Variants in LARP4B observed in about 807,000 individuals in gnomAD.
LARP4B encodes the protein La ribonucleoprotein 4B, also known as la-related protein 4B.
In LARP4B, 12 loss-of-function variants were observed where a neutral mutation model predicts 89.8. That is an observed-to-expected ratio of 0.13 (90% CI 0.09 to 0.22). The LOEUF is 0.22. Ranked by LOEUF, LARP4B falls within the 10% of genes least tolerant of loss-of-function variation. The pLI is 1.00. For missense variants in LARP4B, 757 were observed against 947.7 expected (o/e 0.80, Z 2.64); for synonymous variants, 367 against 363.3 (o/e 1.01, Z -0.12).
upstream of LARP4B, among the ~76,000 whole-genome samples, chr10:932,228 C>G (rs563619920): frequency 1.2e-3 from 178 of 142,786 alleles, 1 homozygote; most frequent in African/African-American, 4.6e-3. Flanking sequence ...CCGACCCTGG[C>G]CACCCAGGAC....
chr10:848,539 G>A (rs146690148), intron 5 of LARP4B, among the ~76,000 whole-genome samples: 31 of 150,532 alleles, frequency 2.1e-4, no homozygotes, highest in African/African-American at 5.6e-4. Context: ...ATATGTTCAC[G>A]AAGTCAGGTA....
intron 5 of LARP4B, among the ~76,000 whole-genome samples, chr10:860,122 G>GAATA (rs1834520612): frequency 1.1e-5 from 1 of 89,606 alleles, no homozygotes; most frequent in Non-Finnish European, 2.4e-5. Context: ...ATGCATGTGT[G>GAATA]GGGGTGGGGG....
chr10:977,867 C>T, the LARP4B span, among the ~76,000 whole-genome samples: 1 of 152,120 alleles, frequency 6.6e-6, no homozygotes, highest in Non-Finnish European at 1.5e-5. Flanking sequence ...GGGATGACTA[C>T]ATACAAAGAC....
At chr10:900,873 T>A (rs1216532462) in intron 1 of LARP4B, among the ~76,000 whole-genome samples, 1 of 149,464 alleles carries the variant, frequency 6.7e-6, no homozygotes, top group Non-Finnish European at 1.5e-5. Context: ...TGCCTCAGCC[T>A]CCCAAAGTGC....
At chr10:895,205 C>T (rs575651378) in intron 1 of LARP4B, among the ~76,000 whole-genome samples, 8 of 150,220 alleles carry the variant, frequency 5.3e-5, no homozygotes, top group South Asian at 4.2e-4. Flanking sequence ...AATAAAATAA[C>T]GTAAAATAAA....
chr10:964,649 A>G, the LARP4B span, among the ~76,000 whole-genome samples: 1 of 152,190 alleles, frequency 6.6e-6, no homozygotes, highest in Non-Finnish European at 1.5e-5. Context: ...CACAAAACGC[A>G]GGGTCCAAGC....
chr10:986,612 G>A, the LARP4B span: 1 of 152,338 alleles, frequency 6.6e-6, no homozygotes, highest in Non-Finnish European at 1.5e-5. Flanking sequence ...CCCATGATGA[G>A]TCATTATGGT....
In LARP4B at chr10:825,177, C is replaced by A; in HGVS notation, c.1372G>T (p.Gly458Cys). The A allele has an allele frequency of 1.2e-6, 2 of 1,614,206 alleles. No individual in the cohort carries two copies. The highest frequency in any genetic ancestry group is 1.7e-6 in the Non-Finnish European group (2 of 1,180,042). Residue 458 changes from glycine to cysteine, a missense_variant, in exon 13 of 18, where the codon GGT becomes TGT. Physicochemically the swap from Gly to Cys is radical, Grantham distance 159. Around this residue, in one of 5 missense-constraint regions of LARP4B, gnomAD observed 387 missense variants for 423.6 expected, o/e 0.91. Transcript: ENST00000316157. The stretch of plus-strand genomic sequence containing the variant: ...TTTTGAATCCGTGTTCTAGTTTGAC[C>A]TGCTTGCCTTGTTTGTGGACTCCGG... Reference protein sequence around the residue: ...GVRSPQTRQAGQTRTRIQNPS... With the variant: ...GVRSPQTRQACQTRTRIQNPS...
At chr10:885,930 A>T (rs1161846549) in intron 1 of LARP4B, among the ~76,000 whole-genome samples, 170 bp from the exon 2 acceptor site, 1 of 152,220 alleles carries the variant, frequency 6.6e-6, no homozygotes, top group Non-Finnish European at 1.5e-5. Context: ...AGTGATACTT[A>T]ATTTTTTAAA....
At chr10:816,377 G>C (rs1206898163) in intron 15 of LARP4B, among the ~76,000 whole-genome samples, 2 of 152,168 alleles carry the variant, frequency 1.3e-5, no homozygotes, top group African/African-American at 4.8e-5. Context: ...ATCATTTCTG[G>C]AGCCTCCACC....
intron 1 of LARP4B, among the ~76,000 whole-genome samples, chr10:892,902 ATTTTTTTT>A (rs56051964): frequency 3.4e-5 from 4 of 117,946 alleles, no homozygotes; most frequent in Admixed American, 2.8e-4. Flanking sequence ...ACCAAGAGAA[ATTTTTTTT>A]TTTTTTTTTT....
the LARP4B span, among the ~76,000 whole-genome samples, chr10:977,514 G>T: frequency 6.6e-6 from 1 of 151,552 alleles, no homozygotes; most frequent in African/African-American, 2.4e-5. Context: ...ACTCCAGCCT[G>T]GGTCTGGGCT....
intron 3 of LARP4B, among the ~76,000 whole-genome samples, chr10:871,766 C>T (rs1171306223): frequency 6.6e-6 from 1 of 152,128 alleles, no homozygotes; most frequent in African/African-American, 2.4e-5. Context: ...CCTCTTAGGA[C>T]TTAAATCAAT....
intron 1 of LARP4B, among the ~76,000 whole-genome samples, chr10:902,418 C>T (rs1836369133): frequency 6.6e-6 from 1 of 152,152 alleles, no homozygotes; most frequent in Non-Finnish European, 1.5e-5. Flanking sequence ...AGGGTTTCCA[C>T]ACCTTTTCAC....
chr10:909,011 G>A (rs372028705), intron 1 of LARP4B, among the ~76,000 whole-genome samples: 1 of 152,232 alleles, frequency 6.6e-6, no homozygotes, highest in African/African-American at 2.4e-5. Flanking sequence ...ATTCCAAGTT[G>A]CGGCCAGGCG....
At chr10:820,924 A>G in intron 13 of LARP4B, 79 bp from the exon 14 acceptor site, 1 of 1,227,608 alleles carries the variant, frequency 8.1e-7, no homozygotes, top group Non-Finnish European at 1.2e-6. Context: ...GCACTCACAT[A>G]ATCAAAGTAC....
In LARP4B at chr10:876,420, A is replaced by G. The variant is rs1835454184; in HGVS notation, c.141+8027T>C. Among the ~76,000 whole-genome samples the G allele has an allele frequency of 3.3e-5, 5 of 152,200 alleles. No individual in the cohort carries two copies. The South Asian group carries it at 1.0e-3, about 31-fold the overall frequency. On this transcript the variant is annotated intron_variant, in intron 3 of 17. Transcript: ENST00000316157. ...AAAAGAAAAAAAAATCTATTTCCAA[A>G]AGGGAGAAATAGGCAAGAAGAAGCA...
intron 5 of LARP4B, among the ~76,000 whole-genome samples, chr10:860,062 A>G (rs2131822999): frequency 7.2e-6 from 1 of 139,452 alleles, no homozygotes; most frequent in East Asian, 2.2e-4. Context: ...AGGATCATCA[A>G]TTATACAAAG....
chr10:841,785 A>G (rs1376444898), intron 7 of LARP4B, among the ~76,000 whole-genome samples: 1 of 152,152 alleles, frequency 6.6e-6, no homozygotes, highest in South Asian at 2.1e-4. Context: ...CGCTCTCAGA[A>G]CTCACAGTCA....
Sources: gnomAD v4.1 joint callset for allele counts (sites outside exome capture counted in the v4.1 genomes callset) on GRCh38, gnomAD v4.1.1 for gene constraint, gnomAD v4.1.1 regional missense constraint, MANE v1.5 for transcripts, NCBI Gene and HGNC (gene_info 2026-07-23, HGNC 2026-07-21) for gene names.